The following MXD4 variants were observed in gnomAD, a reference collection of about 807,000 sequenced individuals.
The protein encoded by MXD4 is MAX dimerization protein 4.
MXD4 carries 16 observed loss-of-function variants against 24.5 expected under a neutral mutation model. The ratio of observed to expected loss-of-function variants is 0.65; its 90% CI spans 0.44 to 0.99. MXD4 has a LOEUF of 0.99. MXD4 is among the 50% of genes least tolerant of loss of function. The pLI, the probability that MXD4 is intolerant of heterozygous loss-of-function variation, is 0.00. For synonymous variants in MXD4, 164 were observed against 134.2 expected (o/e 1.22, Z -1.54); for missense variants, 301 against 301.5 (o/e 1.00, Z 0.01).
rs1363552854 is a variant in MXD4 at position 2,248,375 on chromosome 4, A to AG, written c.*2168dup. The AG allele has an allele frequency of 6.6e-6, 1 of 152,430 alleles. No individual in the cohort carries two copies. The highest frequency in any genetic ancestry group is 6.5e-5 in the Admixed American group (1 of 15,288). 9.4% of individuals were successfully genotyped at this position (152,430 alleles called of 1,614,324 possible). ...GTCAGAGATGAGAGCAGAAGCCCCTAGCTGCCTCAGGCACTGGAGGGTGGG... is the reference window on the plus strand; with the variant it reads ...GTCAGAGATGAGAGCAGAAGCCCCTAGGCTGCCTCAGGCACTGGAGGGTGGG... On this transcript the variant is annotated 3_prime_UTR_variant, in exon 6 of 6. Coordinates refer to ENST00000337190, the MANE Select transcript of MXD4 (RefSeq NM_006454.3).
intron 3 of MXD4, among the ~76,000 whole-genome samples, chr4:2,256,239 C>G (rs1456798805): frequency 1.3e-5 from 2 of 152,216 alleles, no homozygotes; most frequent in African/African-American, 2.4e-5. Context: ...AAGGCGAGGC[C>G]TCCACGGTCC....
intron 2 of MXD4, 147 bp from the exon 3 acceptor site, chr4:2,258,158 G>A: frequency 4.3e-6 from 4 of 921,038 alleles, no homozygotes; most frequent in Middle Eastern, 2.7e-4. Context: ...GAGGCCTGGG[G>A]CAGGTGAGCA....
intron 3 of MXD4, chr4:2,254,911 C>CA (rs1735395130): frequency 5.1e-6 from 1 of 195,302 alleles, no homozygotes; most frequent in Non-Finnish European, 1.1e-5. Flanking sequence ...GAAGGGCCAT[C>CA]GATACAGTTA....
chr4:2,255,197 C>A, intron 3 of MXD4: 1 of 399,684 alleles, frequency 2.5e-6, no homozygotes, highest in South Asian at 1.8e-5. Flanking sequence ...AAATGGAGAA[C>A]AAGGTCCCCT....
intron 2 of MXD4, among the ~76,000 whole-genome samples, chr4:2,258,644 C>T (rs943581638): frequency 3.3e-5 from 5 of 152,336 alleles, no homozygotes; most frequent in East Asian, 3.9e-4. Flanking sequence ...ACCACTCTCT[C>T]GGGCTCACAC....
intron 2 of MXD4, among the ~76,000 whole-genome samples, chr4:2,258,717 C>T (rs1052695642): frequency 2.6e-5 from 4 of 152,246 alleles, no homozygotes; most frequent in African/African-American, 9.6e-5. Context: ...TCAGCCAGGT[C>T]AGCCCATGAG....
intron 4 of MXD4, among the ~76,000 whole-genome samples, chr4:2,251,601 T>C (rs2108788453): frequency 6.6e-6 from 1 of 152,366 alleles, no homozygotes; most frequent in South Asian, 2.1e-4. Context: ...AGGACAGTCC[T>C]GCTTACAGCG....
chr4:2,257,054 G>A (rs898473092), intron 3 of MXD4, among the ~76,000 whole-genome samples: 1 of 152,210 alleles, frequency 6.6e-6, no homozygotes, highest in Non-Finnish European at 1.5e-5. Context: ...TCCAGGAAGT[G>A]CAGTTCCTCA....
intron 3 of MXD4, chr4:2,255,226 G>A (rs753709474): frequency 3.0e-5 from 13 of 435,404 alleles, no homozygotes; most frequent in South Asian, 1.1e-4. Flanking sequence ...AAGTCTCATC[G>A]GCAATGTTAG....
rs200076171 is a variant in MXD4, at chr4:2,250,592, A to G, written c.582T>C (p.Ser194=). 1.8e-4 allele frequency: 290 copies of G among 1,610,850 alleles called. No homozygotes were observed. The highest frequency in any genetic ancestry group is 2.3e-4 in the Non-Finnish European group (266 of 1,179,180). ...GCCGCCGGCAGTGGGGCCCGAAGCC[A>G]CTGTCGCCGCCGGTGCCACTCTGCA... ...YSLQSGTGGD[S]GFGPHCRRLG... The change falls in exon 6 of 6, where the codon AGT becomes AGC. Residue 194 remains serine, a synonymous_variant. Coordinates refer to ENST00000337190, the MANE Select transcript of MXD4 (RefSeq NM_006454.3).
chr4:2,250,941 G>A (rs1735307684), intron 5 of MXD4, 143 bp downstream of exon 5: 5 of 1,201,858 alleles, frequency 4.2e-6, no homozygotes, highest in Non-Finnish European at 5.6e-6. Flanking sequence ...TCTGCGCTTA[G>A]TGACAAACAC....
At chr4:2,258,138 C>A in intron 2 of MXD4, 127 bp from the exon 3 acceptor site, 1 of 1,188,016 alleles carries the variant, frequency 8.4e-7, no homozygotes, top group Non-Finnish European at 1.2e-6. Flanking sequence ...CTGGAATGGC[C>A]CAGAGCAGTG....
At chr4:2,258,930 G>C (rs895709646) in intron 2 of MXD4, 32 of 456,038 alleles carry the variant, frequency 7.0e-5, no homozygotes, top group Non-Finnish European at 1.4e-4. Flanking sequence ...CAGCACCACA[G>C]GGTGTGCCAC....
intron 3 of MXD4, 111 bp downstream of exon 3, chr4:2,257,871 G>T: frequency 1.4e-6 from 2 of 1,385,438 alleles, no homozygotes; most frequent in Non-Finnish European, 2.0e-6. Context: ...ACACAGCCTG[G>T]CAGCACGGCT....
intron 3 of MXD4, chr4:2,255,203 C>T (rs369241830): frequency 4.9e-6 from 2 of 408,530 alleles, no homozygotes; most frequent in Non-Finnish European, 4.9e-6. Context: ...AGAACAAGGT[C>T]CCCTCCTTAT....
At chr4:2,258,936 G>A (rs1014033091) in intron 2 of MXD4, 4 of 456,022 alleles carry the variant, frequency 8.8e-6, no homozygotes, top group Non-Finnish European at 1.8e-5. Flanking sequence ...CACAGGGTGT[G>A]CCACAGCATC....
At chr4:2,260,706 G>T (rs1735522218) in intron 2 of MXD4, 4 of 406,396 alleles carry the variant, frequency 9.8e-6, no homozygotes, top group South Asian at 1.8e-5. Flanking sequence ...CCTGGCTCAG[G>T]ATGCCACAGA....
chr4:2,261,829 G>A lies in MXD4; in HGVS notation c.65-5C>T. 4.4e-6 allele frequency: 6 copies of A among 1,377,744 alleles called. No homozygotes were observed. The highest frequency in any genetic ancestry group is 3.3e-5 in the Admixed American group (1 of 29,900). The allele number at this position is 1,377,744 out of a possible 1,614,324, so 85.3% of individuals were successfully genotyped here. A position where few individuals can be genotyped will look rare whatever the true frequency, so the allele number is the denominator to read the frequency against. On this transcript the variant is annotated splice_region_variant and splice_polypyrimidine_tract_variant and intron_variant, in intron 1 of 5. Transcript: ENST00000337190. ...AGGCGTAGCCGTGCTCGGCCTCTGCGGACACACGGCGCGGTCAGCGGCCCC... is the reference window on the plus strand; with the variant it reads ...AGGCGTAGCCGTGCTCGGCCTCTGCAGACACACGGCGCGGTCAGCGGCCCC...
intron 2 of MXD4, among the ~76,000 whole-genome samples, chr4:2,258,415 G>A (rs569250594): frequency 2.8e-4 from 42 of 152,220 alleles, no homozygotes; most frequent in African/African-American, 8.4e-4. Flanking sequence ...TGGCTGACAG[G>A]AGGACCTAGG....
Sources: gnomAD v4.1 joint callset for allele counts (sites outside exome capture counted in the v4.1 genomes callset) on GRCh38, gnomAD v4.1.1 for gene constraint, MANE v1.5 for transcripts, NCBI Gene and HGNC (gene_info 2026-07-23, HGNC 2026-07-21) for gene names.